The following GLI3 variants were observed in gnomAD, a reference collection of about 807,000 sequenced individuals.
GLI3 encodes the protein transcription activator GLI3.
A neutral mutation model predicts 100.8 loss-of-function variants in GLI3; 20 were observed. That is an observed-to-expected ratio of 0.20 (90% CI 0.14 to 0.29). The LOEUF (loss-of-function observed/expected upper bound fraction) is 0.29, where lower values mean the gene tolerates loss of function less well. Among genes scored for constraint, GLI3 ranks in the 10% least tolerant of loss-of-function variants. GLI3 has a pLI of 1.00. For missense variants in GLI3, 2,040 were observed against 2,128.5 expected (o/e 0.96, Z 0.82); for synonymous variants, 938 against 860.5 (o/e 1.09, Z -1.58).
intron 1 of GLI3, among the ~76,000 whole-genome samples, chr7:42,245,914 A>C (rs1038228640): frequency 7.9e-5 from 12 of 151,720 alleles, no homozygotes; most frequent in African/African-American, 2.9e-4. Context: ...AGGAAAAAAA[A>C]AAAAGGAAAC....
intron 1 of GLI3, among the ~76,000 whole-genome samples, chr7:42,243,482 G>C (rs894970020): frequency 6.6e-6 from 1 of 152,124 alleles, no homozygotes; most frequent in Non-Finnish European, 1.5e-5. Flanking sequence ...AAGAGAACAG[G>C]CCTGGATTTA....
intron 1 of GLI3, among the ~76,000 whole-genome samples, chr7:42,261,470 C>T (rs1431040333): frequency 2.6e-5 from 4 of 152,080 alleles, no homozygotes; most frequent in Non-Finnish European, 5.9e-5. Flanking sequence ...CTCAGCTATC[C>T]ACTAACCGTT....
At chr7:42,179,437 G>C (rs1312501859) in intron 2 of GLI3, among the ~76,000 whole-genome samples, 1 of 152,150 alleles carries the variant, frequency 6.6e-6, no homozygotes, top group Non-Finnish European at 1.5e-5. Flanking sequence ...TGACTCCAAG[G>C]GAAATGGGAC....
chr7:42,262,333 C>T (rs1179988656), intron 1 of GLI3, among the ~76,000 whole-genome samples: 1 of 151,554 alleles, frequency 6.6e-6, no homozygotes, highest in Non-Finnish European at 1.5e-5. Context: ...AAACATGGGT[C>T]ACTGCAGTCT....
intron 3 of GLI3, among the ~76,000 whole-genome samples, chr7:42,078,264 T>G (rs994000892): frequency 6.6e-6 from 1 of 152,222 alleles, no homozygotes; most frequent in Non-Finnish European, 1.5e-5. Flanking sequence ...TTCTCTATTT[T>G]CCAAATTTTC....
Position 42,019,251 on chromosome 7 carries a change from T to C in GLI3, c.1497+4217A>G, listed in dbSNP as rs976899676. Among the ~76,000 whole-genome samples the C allele has an allele frequency of 4.5e-4, 68 of 152,180 alleles. 1 individual carries two copies. Among genetic ancestry groups the C allele is most frequent in the Admixed American group, 4.0e-3 (61 of 15,276 alleles). On this transcript the variant is annotated intron_variant, in intron 10 of 14. Coordinates refer to ENST00000395925, the MANE Select transcript of GLI3 (RefSeq NM_000168.6). ...GGAAGTTCTTTATGTTTATTCCTAT[T>C]CCTCCTCTTAGAAAGCCTCTCAAAA...
At chr7:42,168,586 G>A (rs1787293599) in intron 2 of GLI3, among the ~76,000 whole-genome samples, 1 of 152,062 alleles carries the variant, frequency 6.6e-6, no homozygotes, top group Non-Finnish European at 1.5e-5. Context: ...AGACCAAGGA[G>A]AAGAAGCCAG....
At chr7:42,058,704 G>A (rs1784509757) in intron 4 of GLI3, among the ~76,000 whole-genome samples, 1 of 152,172 alleles carries the variant, frequency 6.6e-6, no homozygotes, top group African/African-American at 2.4e-5. Flanking sequence ...GAAGAGAGAA[G>A]CCAAACAAAT....
At position 41,965,812 on chromosome 7, in the gene GLI3, G is replaced by T. The variant is rs370714837; in HGVS notation, c.3261C>A (p.Asn1087Lys). The change falls in exon 15 of 15, where the codon AAC (asparagine) becomes AAA (lysine). Residue 1087 changes from asparagine (N) to lysine (K), a missense_variant. Physicochemically the swap from Asn to Lys is moderately conservative, Grantham distance 94. Around this residue, in one of 5 missense-constraint regions of GLI3, gnomAD observed 1,041 missense variants for 924.0 expected, o/e 1.13. Transcript: ENST00000395925. ...SLTMDADANLNDEDFLPDDVV... is the reference protein window; with the variant it reads ...SLTMDADANLKDEDFLPDDVV... ...CGTCGTCCGGCAGGAAATCCTCATC[G>T]TTCAGGTTGGCATCAGCGTCCATGG... is the stretch of plus-strand genomic sequence containing the variant. 6 of 1,613,538 alleles carry T rather than the reference G, an allele frequency of 3.7e-6. No homozygotes were observed. The highest frequency in any genetic ancestry group is 5.1e-6 in the Non-Finnish European group (6 of 1,179,932).
intron 3 of GLI3, among the ~76,000 whole-genome samples, chr7:42,132,106 T>G (rs1415016554): frequency 6.6e-6 from 1 of 151,948 alleles, no homozygotes; most frequent in East Asian, 1.9e-4. Context: ...TATTCATTTA[T>G]TTATTTATTT....
chr7:41,977,451 T>C, intron 12 of GLI3, 107 bp downstream of exon 12: 1 of 1,183,580 alleles, frequency 8.4e-7, no homozygotes. Context: ...ATGCTGGGAA[T>C]GGCCAAGGGG....
intron 10 of GLI3, among the ~76,000 whole-genome samples, chr7:41,991,182 G>C (rs12374830): frequency 6.6e-6 from 1 of 152,154 alleles, no homozygotes; most frequent in African/African-American, 2.4e-5. Context: ...CTAAAAATTA[G>C]CCTTCAATGC....
At chr7:42,233,569 A>C (rs1788734579) in intron 1 of GLI3, among the ~76,000 whole-genome samples, 1 of 152,240 alleles carries the variant, frequency 6.6e-6, no homozygotes, top group African/African-American at 2.4e-5. Context: ...CAATATATCA[A>C]AGTTTAAAAA....
At chr7:42,051,323 T>C (rs556217015) in intron 4 of GLI3, among the ~76,000 whole-genome samples, 1 of 152,260 alleles carries the variant, frequency 6.6e-6, no homozygotes, top group African/African-American at 2.4e-5. Flanking sequence ...CTTCTCCTCT[T>C]CCTTAAAGGT....
chr7:42,142,407 G>T (rs945802880), intron 3 of GLI3, among the ~76,000 whole-genome samples: 1 of 152,060 alleles, frequency 6.6e-6, no homozygotes, highest in African/African-American at 2.4e-5. Context: ...AGAAAAATGC[G>T]GTCTCTCTTG....
intron 1 of GLI3, among the ~76,000 whole-genome samples, chr7:42,236,513 C>A (rs1788797855): frequency 1.3e-5 from 2 of 152,142 alleles, no homozygotes; most frequent in Admixed American, 1.3e-4. Flanking sequence ...CGGAGGTCCC[C>A]GCGCGCACCC....
chr7:42,196,435 G>C (rs1407563168), intron 2 of GLI3, among the ~76,000 whole-genome samples: 1 of 152,150 alleles, frequency 6.6e-6, no homozygotes, highest in Non-Finnish European at 1.5e-5. Flanking sequence ...CCTGATTAAC[G>C]TTGCATTGCA....
intron 7 of GLI3, among the ~76,000 whole-genome samples, chr7:42,028,501 C>T (rs1219729508): frequency 3.3e-5 from 5 of 152,134 alleles, no homozygotes; most frequent in Admixed American, 6.5e-5. Flanking sequence ...CGGTGGCTCA[C>T]GCCTGTAATC....
At chr7:42,165,150 G>A (rs1271826983) in intron 2 of GLI3, among the ~76,000 whole-genome samples, 1 of 149,404 alleles carries the variant, frequency 6.7e-6, no homozygotes, top group East Asian at 2.0e-4. Flanking sequence ...AGATTGCAGT[G>A]AGCCTGGGCA....
Sources: gnomAD v4.1 joint callset for allele counts (sites outside exome capture counted in the v4.1 genomes callset) on GRCh38, gnomAD v4.1.1 for gene constraint, gnomAD v4.1.1 regional missense constraint, MANE v1.5 for transcripts, NCBI Gene and HGNC (gene_info 2026-07-23, HGNC 2026-07-21) for gene names.